LRRC4C: variants seen among roughly 807,000 people sequenced by gnomAD.
The protein encoded by LRRC4C is leucine rich repeat containing 4C.
LRRC4C carries 5 observed loss-of-function variants against 33.6 expected under a neutral mutation model. That is an observed-to-expected ratio of 0.15 (90% CI 0.08 to 0.31). The LOEUF is 0.31. Among genes scored for constraint, LRRC4C ranks in the 10% least tolerant of loss-of-function variants. The pLI is 1.00. For missense variants in LRRC4C, 560 were observed against 796.7 expected, an observed-to-expected ratio of 0.70 and a Z score of 3.58; for synonymous variants, 329 against 302.0, an observed-to-expected ratio of 1.09 and a Z score of -0.93.
intron 2 of LRRC4C, among the ~76,000 whole-genome samples, chr11:40,684,058 C>T (rs1042138543): frequency 4.6e-5 from 7 of 152,086 alleles, no homozygotes; most frequent in African/African-American, 1.7e-4. Context: ...AATAAGCTCA[C>T]TTTACAACGT....
chr11:41,398,870 TAGAA>T (rs1296879687), intron 1 of LRRC4C, among the ~76,000 whole-genome samples: 1 of 151,896 alleles, frequency 6.6e-6, no homozygotes, highest in Non-Finnish European at 1.5e-5. Flanking sequence ...GGAAGTTGTG[TAGAA>T]GGACCTTATT....
At position 40,232,225 on chromosome 11, in the gene LRRC4C, C is replaced by T. The variant is rs182216649; in HGVS notation, c.-96+9294G>A. 5.3e-4 allele frequency among the ~76,000 whole-genome samples: 81 copies of T among 152,254 alleles called. 1 individual carries two copies. Among genetic ancestry groups the T allele is most frequent in the African/African-American group, 1.5e-3 (64 of 41,552 alleles). ...TTCGCCATGTTGGGCAGGCTGGTCT[C>T]GAACTCCTGACCTCAGGTGATCCAC... On this transcript the variant is annotated intron_variant, in intron 5 of 6. Transcript: ENST00000528697.
intron 1 of LRRC4C, among the ~76,000 whole-genome samples, chr11:41,378,145 A>T (rs957423520): frequency 6.6e-6 from 1 of 152,088 alleles, no homozygotes. Context: ...AGAGTGGGGA[A>T]GCAATAAAAA....
chr11:40,574,460 A>G (rs1958103770), intron 3 of LRRC4C, among the ~76,000 whole-genome samples: 1 of 152,178 alleles, frequency 6.6e-6, no homozygotes, highest in African/African-American at 2.4e-5. Flanking sequence ...TCAGGAACAA[A>G]CCTGAGCTAA....
intron 1 of LRRC4C, among the ~76,000 whole-genome samples, chr11:41,008,199 T>C (rs1014428750): frequency 3.3e-5 from 5 of 152,136 alleles, no homozygotes; most frequent in African/African-American, 1.2e-4. Context: ...TTCTTTGCTT[T>C]CTCTACAATC....
intron 5 of LRRC4C, among the ~76,000 whole-genome samples, chr11:40,185,030 A>AC (rs1861296277): frequency 6.6e-6 from 1 of 152,188 alleles, no homozygotes; most frequent in South Asian, 2.1e-4. Flanking sequence ...TACAAGGGAA[A>AC]CCATCAGTAA....
chr11:40,928,530 C>T (rs1592116117), intron 2 of LRRC4C, among the ~76,000 whole-genome samples: 1 of 151,874 alleles, frequency 6.6e-6, no homozygotes, highest in Non-Finnish European at 1.5e-5. Flanking sequence ...TTATCTCTTT[C>T]ATTAAGTAAT....
intron 3 of LRRC4C, among the ~76,000 whole-genome samples, chr11:40,402,221 T>C (rs754198656): frequency 9.2e-5 from 14 of 152,170 alleles, no homozygotes; most frequent in Non-Finnish European, 1.9e-4. Flanking sequence ...TTTCACTATA[T>C]GTTTGTCTCC....
chr11:40,611,242 A>G (rs1565557793), intron 3 of LRRC4C, among the ~76,000 whole-genome samples: 1 of 151,754 alleles, frequency 6.6e-6, no homozygotes, highest in Admixed American at 6.6e-5. Flanking sequence ...ATGATCTTTG[A>G]CCTGAGTACC....
At chr11:40,668,109 T>C (rs558910673) in intron 2 of LRRC4C, among the ~76,000 whole-genome samples, 3 of 152,314 alleles carry the variant, frequency 2.0e-5, no homozygotes, top group South Asian at 4.1e-4. Flanking sequence ...TTGACATATA[T>C]TGATATTTAA....
intron 4 of LRRC4C, among the ~76,000 whole-genome samples, chr11:40,307,618 C>T (rs998497731): frequency 6.6e-6 from 1 of 152,160 alleles, no homozygotes; most frequent in African/African-American, 2.4e-5. Context: ...ATTGTATCAT[C>T]TCTCCTGTTG....
At chr11:40,324,310 G>T (rs1014252357) in intron 3 of LRRC4C, among the ~76,000 whole-genome samples, 2 of 152,318 alleles carry the variant, frequency 1.3e-5, no homozygotes, top group African/African-American at 2.4e-5. Flanking sequence ...AAGGTGAGTG[G>T]TTTTTTCCAT....
intron 1 of LRRC4C, among the ~76,000 whole-genome samples, chr11:41,451,892 G>A (rs1159432259): frequency 2.0e-5 from 3 of 151,936 alleles, no homozygotes; most frequent in Admixed American, 2.0e-4. Flanking sequence ...TTTTTTCCTT[G>A]TATGTATCTG....
At chr11:40,462,824 A>G (rs1952464487) in intron 3 of LRRC4C, among the ~76,000 whole-genome samples, 1 of 152,064 alleles carries the variant, frequency 6.6e-6, no homozygotes, top group Non-Finnish European at 1.5e-5. Context: ...TTTTTATCCC[A>G]TCATTTTCAT....
chr11:40,863,308 T>C (rs1031172867), intron 2 of LRRC4C, among the ~76,000 whole-genome samples: 1 of 152,152 alleles, frequency 6.6e-6, no homozygotes, highest in Non-Finnish European at 1.5e-5. Context: ...CCAACAGTCA[T>C]AAAATTTTCC....
At chr11:41,160,375 C>T (rs1255512010) in intron 1 of LRRC4C, among the ~76,000 whole-genome samples, 2 of 142,610 alleles carry the variant, frequency 1.4e-5, no homozygotes, top group Non-Finnish European at 1.5e-5. Context: ...GCAAGACCCT[C>T]TTTCTAAAAA....
chr11:41,094,825 T>C (rs1042858469), intron 1 of LRRC4C, among the ~76,000 whole-genome samples: 17 of 152,208 alleles, frequency 1.1e-4, no homozygotes, highest in Non-Finnish European at 2.2e-4. Flanking sequence ...ATTGAATAGA[T>C]AATTTTTTAA....
intron 5 of LRRC4C, among the ~76,000 whole-genome samples, chr11:40,228,226 G>C (rs1202956609): frequency 2.6e-5 from 4 of 152,298 alleles, no homozygotes; most frequent in African/African-American, 9.6e-5. Flanking sequence ...AGCAATGTCA[G>C]AAAGCCTGTA....
intron 3 of LRRC4C, among the ~76,000 whole-genome samples, chr11:40,395,930 T>C (rs1949520294): frequency 6.6e-6 from 1 of 152,118 alleles, no homozygotes; most frequent in Non-Finnish European, 1.5e-5. Flanking sequence ...GAGGTTGCAG[T>C]GAGCTGAGAT....
Sources: allele counts gnomAD v4.1 joint callset (sites outside exome capture counted in the v4.1 genomes callset), GRCh38; gene constraint gnomAD v4.1.1; transcripts MANE v1.5; gene names NCBI Gene and HGNC (gene_info 2026-07-23, HGNC 2026-07-21).